Variants in RHPN2 observed in about 807,000 individuals in gnomAD.
The protein encoded by RHPN2 is rhophilin-2.
Under a neutral mutation model 79.0 loss-of-function variants are expected in RHPN2, and 40 were observed. That is an observed-to-expected ratio of 0.51 (90% CI 0.39 to 0.66). RHPN2 has a LOEUF of 0.66. Among genes scored for constraint, RHPN2 ranks in the 30% least tolerant of loss-of-function variants. The probability of loss-of-function intolerance (pLI) is 0.00; values close to 1 mark genes in which losing one functional copy is unlikely to be tolerated. For missense variants in RHPN2, 686 were observed against 883.5 expected (o/e 0.78, Z 2.83); for synonymous variants, 285 against 363.5 (o/e 0.78, Z 2.46).
rs900688584 is a variant in RHPN2 at position 33,005,054 on chromosome 19, G to A, written c.761-2054C>T. The stretch of plus-strand genomic sequence containing the variant: ...GCAGAAGGACTAAGGGGCTCACAGG[G>A]GACCAGGCTCACACATAAGATCTGA... On this transcript the variant is annotated intron_variant, in intron 7 of 14. Coordinates refer to ENST00000254260, the MANE Select transcript of RHPN2 (RefSeq NM_033103.5). Among the ~76,000 whole-genome samples the A allele has an allele frequency of 2.6e-5, 4 of 151,458 alleles. 1 individual carries two copies.
intron 1 of RHPN2, among the ~76,000 whole-genome samples, chr19:33,062,767 CATAATAATAATAATA>C (rs76516449): frequency 0.032 from 4,626 of 143,634 alleles, 263 homozygotes; most frequent in African/African-American, 0.11. Flanking sequence ...GACTCTGTTT[CATAATAATAATAATA>C]ATAATAATAA....
At chr19:33,036,871 CCCCCCCG>C (rs1568322693) in intron 2 of RHPN2, among the ~76,000 whole-genome samples, 1 of 118,500 alleles carries the variant, frequency 8.4e-6, no homozygotes, top group African/African-American at 6.0e-5. Context: ...CATGCCTGAG[CCCCCCCG>C]CCACCCTCTG....
chr19:33,016,787 C>T (rs571674160), intron 4 of RHPN2, among the ~76,000 whole-genome samples: 4 of 152,254 alleles, frequency 2.6e-5, no homozygotes, highest in South Asian at 4.1e-4. Flanking sequence ...ATGGAACTGC[C>T]GTAATTCAGT....
chr19:32,983,157 AC>A (rs1971588700), intron 14 of RHPN2, among the ~76,000 whole-genome samples: 1 of 108,766 alleles, frequency 9.2e-6, no homozygotes, highest in Admixed American at 1.0e-4. Flanking sequence ...CTCTACACAC[AC>A]ACAAACACAC....
chr19:32,993,905 T>C, intron 12 of RHPN2, 72 bp downstream of exon 12: 2 of 1,121,014 alleles, frequency 1.8e-6, no homozygotes, highest in South Asian at 1.2e-5. Context: ...CCACATGGAC[T>C]AAGACACCAT....
rs1972124935 is a variant in RHPN2 at position 33,044,335 on chromosome 19, C to G, written c.99G>C (p.Arg33=). The G allele has an allele frequency of 1.2e-6, 2 of 1,614,112 alleles. No homozygotes were observed. Among genetic ancestry groups the G allele is most frequent in the East Asian group, 2.2e-5 (1 of 44,882 alleles). The stretch of plus-strand genomic sequence containing the variant: ...CAGCTCTTTGATTCTGCAATTTACT[C>G]CGGCCGGTTTGTGCAAGGGGATTAC... ...KGCNPLAQTG[R]SKLQNQRAAL... The change falls in exon 2 of 15, where the codon CGG becomes CGC. Residue 33 remains arginine (R), a synonymous_variant. Transcript: ENST00000254260.
At chr19:33,010,454 CT>C (rs1372474036) in intron 6 of RHPN2, among the ~76,000 whole-genome samples, 1 of 148,014 alleles carries the variant, frequency 6.8e-6, no homozygotes, top group Non-Finnish European at 1.5e-5. Flanking sequence ...GTGATCTTGG[CT>C]CATTGCAACC....
intron 12 of RHPN2, among the ~76,000 whole-genome samples, chr19:32,993,733 T>C (rs1374055036): frequency 6.6e-6 from 1 of 152,152 alleles, no homozygotes; most frequent in African/African-American, 2.4e-5. Context: ...TTTTCTGCCA[T>C]GAGGACACAG....
chr19:32,985,092 G>GGCAGA (rs1568308268), intron 14 of RHPN2, among the ~76,000 whole-genome samples: 1 of 151,546 alleles, frequency 6.6e-6, no homozygotes, highest in East Asian at 2.0e-4. Context: ...TCTGCCTCCT[G>GGCAGA]GGTTCAAGCA....
chr19:32,986,797 A>G (rs900056129), intron 14 of RHPN2, among the ~76,000 whole-genome samples: 3 of 146,498 alleles, frequency 2.0e-5, no homozygotes, highest in African/African-American at 7.7e-5. Context: ...CTGTCTCAAA[A>G]AAAAAAAAAA....
intron 14 of RHPN2, among the ~76,000 whole-genome samples, chr19:32,985,609 C>T (rs949255129): frequency 6.6e-6 from 1 of 151,942 alleles, no homozygotes; most frequent in Non-Finnish European, 1.5e-5. Flanking sequence ...GCAACGAGAG[C>T]GAGACCCTGT....
In RHPN2 at chr19:32,991,976, A is replaced by C; in HGVS notation, c.1498-7T>G. The C allele has an allele frequency of 6.2e-7, 1 of 1,613,868 alleles. No individual in the cohort carries two copies. Among genetic ancestry groups the C allele is most frequent in the Non-Finnish European group, 8.5e-7 (1 of 1,179,838 alleles). On this transcript the variant is annotated splice_region_variant and splice_polypyrimidine_tract_variant and intron_variant, in intron 12 of 14. Coordinates refer to ENST00000254260, the MANE Select transcript of RHPN2 (RefSeq NM_033103.5). ...AAAACACAGATAAGGGGCCCTTTGG[A>C]AGAGAGCATCGTTAGGTGTAGGATT...
At chr19:32,991,050 A>G (rs1971655904) in intron 13 of RHPN2, among the ~76,000 whole-genome samples, 1 of 151,196 alleles carries the variant, frequency 6.6e-6, no homozygotes, top group South Asian at 2.1e-4. Flanking sequence ...GGCCAGGCAC[A>G]GTGGCTCACG....
intron 1 of RHPN2, 24 bp downstream of exon 1, chr19:33,064,760 G>GC: frequency 1.8e-6 from 1 of 550,126 alleles, no homozygotes; most frequent in Non-Finnish European, 2.5e-6. Flanking sequence ...GCAGGTCCCC[G>GC]CCCGCCCGCC....
chr19:32,991,080 GGGAGGCCAAGGCAGACAGA>G (rs1351182704), intron 13 of RHPN2, among the ~76,000 whole-genome samples: 1 of 151,266 alleles, frequency 6.6e-6, no homozygotes, highest in African/African-American at 2.4e-5. Context: ...CTAGCACTCT[GGGAGGCCAAGGCAGACAGA>G]ATACTTGAGG....
chr19:33,058,091 C>T (rs1020163410), intron 1 of RHPN2, among the ~76,000 whole-genome samples: 7 of 152,084 alleles, frequency 4.6e-5, no homozygotes, highest in Admixed American at 1.3e-4. Context: ...ACCCCGGAGG[C>T]GGAGGATGCA....
rs185368204 is a variant in RHPN2, at chr19:33,053,581, G to A, written c.70-9217C>T. On this transcript the variant is annotated intron_variant, in intron 1 of 14. Transcript: ENST00000254260. ...TGGGATTACAGGCGCACACCACCAT[G>A]CCTGGCTAATTTTTGTATTTTTAGT... 2.0e-5 allele frequency among the ~76,000 whole-genome samples: 3 copies of A among 151,368 alleles called. No individual in the cohort carries two copies. In the South Asian group the frequency reaches 6.3e-4, roughly 32 times the overall value.
At chr19:33,011,023 T>C (rs1971831312) in intron 6 of RHPN2, among the ~76,000 whole-genome samples, 2 of 152,138 alleles carry the variant, frequency 1.3e-5, no homozygotes, top group Non-Finnish European at 2.9e-5. Flanking sequence ...AAAATACCAA[T>C]TGGGTCTACG....
At chr19:33,042,000 C>A (rs1012179820) in intron 2 of RHPN2, among the ~76,000 whole-genome samples, 4 of 151,934 alleles carry the variant, frequency 2.6e-5, no homozygotes, top group African/African-American at 9.7e-5. Flanking sequence ...CTGTGCAACA[C>A]GGTGAAACCC....
Sources: gnomAD v4.1 joint callset for allele counts (sites outside exome capture counted in the v4.1 genomes callset) on GRCh38, gnomAD v4.1.1 for gene constraint, MANE v1.5 for transcripts, NCBI Gene and HGNC (gene_info 2026-07-23, HGNC 2026-07-21) for gene names.